TEX10: variants seen among roughly 807,000 people sequenced by gnomAD.
TEX10 encodes testis-expressed protein 10.
A neutral mutation model predicts 104.4 loss-of-function variants in TEX10; 24 were observed. That is an observed-to-expected ratio of 0.23 (90% CI 0.17 to 0.32). The LOEUF is 0.32. TEX10 is among the 10% of genes least tolerant of loss of function. The pLI is 1.00. For synonymous variants in TEX10, 396 were observed against 393.4 expected, an observed-to-expected ratio of 1.01 and a Z score of -0.08; for missense variants, 921 against 1,083.9, an observed-to-expected ratio of 0.85 and a Z score of 2.11.
At chr9:100,319,349 A>G (rs1588170636) in intron 11 of TEX10, among the ~76,000 whole-genome samples, 1 of 152,332 alleles carries the variant, frequency 6.6e-6, no homozygotes, top group South Asian at 2.1e-4. Flanking sequence ...AATTTATTAA[A>G]TATCTCTAAG....
chr9:100,341,091 T>C (rs1241380310), intron 4 of TEX10, among the ~76,000 whole-genome samples: 3 of 152,130 alleles, frequency 2.0e-5, no homozygotes, highest in Non-Finnish European at 2.9e-5. Context: ...CTCAATCTCC[T>C]GAGTAGCTGG....
intron 5 of TEX10, among the ~76,000 whole-genome samples, chr9:100,339,274 A>AT (rs1835101688): frequency 1.1e-5 from 1 of 91,686 alleles, no homozygotes; most frequent in Non-Finnish European, 2.2e-5. Flanking sequence ...AAAAAAAAAA[A>AT]GTATATATAT....
In TEX10 at chr9:100,326,335, A is replaced by C. The variant is rs766914664; in HGVS notation, c.1946T>G (p.Leu649Trp). ...CCIMGRLSSS[L>W]AAMLIGILHM... ...CAGTATCCCGATAAGCATGGCAGCC[A>C]AACTTGAACTGAGTCTTCCCATAAT... The change falls in exon 9 of 15, where the codon TTG (leucine) becomes TGG (tryptophan). Residue 649 changes from leucine (L) to tryptophan (W), a missense_variant. Leu to Trp is a moderately conservative substitution (Grantham distance 61, BLOSUM62 -2). Transcript: ENST00000374902. 3.1e-6 allele frequency: 5 copies of C among 1,614,046 alleles called. No individual in the cohort carries two copies. The South Asian group carries it at 5.5e-5, about 18-fold the overall frequency.
intron 9 of TEX10, among the ~76,000 whole-genome samples, chr9:100,323,631 A>C (rs940064355): frequency 1.5e-4 from 23 of 152,246 alleles, no homozygotes; most frequent in African/African-American, 5.3e-4. Context: ...AGCAATTCTA[A>C]ACACATTTTT....
chr9:100,324,989 T>C (rs1357229421), intron 9 of TEX10, among the ~76,000 whole-genome samples: 4 of 152,224 alleles, frequency 2.6e-5, no homozygotes, highest in Non-Finnish European at 2.9e-5. Flanking sequence ...GCCCCTCTAA[T>C]GTGCATATAC....
chr9:100,317,967 C>CA (rs536799943), intron 11 of TEX10, among the ~76,000 whole-genome samples: 50 of 151,336 alleles, frequency 3.3e-4, no homozygotes, highest in Admixed American at 4.6e-4. Context: ...ATTAAGAAGA[C>CA]AAAAAAAACA....
intron 5 of TEX10, among the ~76,000 whole-genome samples, chr9:100,332,681 C>T (rs10118876): frequency 0.25 from 37,419 of 151,754 alleles, 5,355 homozygotes; most frequent in East Asian, 0.64. Flanking sequence ...ATTAGCCGGG[C>T]GCGGTGGCAG....
chr9:100,304,515 G>A (rs1356326880), intron 13 of TEX10: 1 of 152,186 alleles, frequency 6.6e-6, no homozygotes. Flanking sequence ...GGGACAATTG[G>A]CTATCCTTTT....
At chr9:100,332,900 T>C (rs1834904363) in intron 5 of TEX10, among the ~76,000 whole-genome samples, 1 of 152,084 alleles carries the variant, frequency 6.6e-6, no homozygotes, top group African/African-American at 2.4e-5. Flanking sequence ...CAACTGCCAG[T>C]TCCAAAGAAA....
At chr9:100,345,458 C>T (rs1283782173) in intron 4 of TEX10, among the ~76,000 whole-genome samples, 1 of 152,214 alleles carries the variant, frequency 6.6e-6, no homozygotes, top group Non-Finnish European at 1.5e-5. Context: ...AGCAATTCTT[C>T]TGAAAACCAG....
chr9:100,326,578 C>A lies in TEX10; in HGVS notation c.1802-99G>T, dbSNP rs929290245. On this transcript the variant is annotated intron_variant, in intron 8 of 14. Transcript: ENST00000374902. ...TGACTTCCATTGAATTATGGGCTAACATTTTATGCTGAATTTTATGAATAT... is the reference window on the plus strand; with the variant it reads ...TGACTTCCATTGAATTATGGGCTAAAATTTTATGCTGAATTTTATGAATAT... 6.8e-6 allele frequency: 8 copies of A among 1,167,918 alleles called. No homozygotes were observed. In the East Asian group the frequency reaches 1.8e-4, roughly 27 times the overall value. 72.3% of individuals were successfully genotyped at this position (1,167,918 alleles called of 1,614,324 possible). A position where few individuals can be genotyped will look rare whatever the true frequency, so the allele number is the denominator to read the frequency against.
intron 5 of TEX10, among the ~76,000 whole-genome samples, 191 bp from the exon 6 acceptor site, chr9:100,330,360 G>A (rs1211288828): frequency 6.6e-6 from 1 of 152,232 alleles, no homozygotes; most frequent in East Asian, 1.9e-4. Flanking sequence ...TATGGAATCA[G>A]AGTTGTTAAG....
At chr9:100,309,005 C>T (rs1051191645) in intron 12 of TEX10, among the ~76,000 whole-genome samples, 12 of 152,174 alleles carry the variant, frequency 7.9e-5, no homozygotes, top group Non-Finnish European at 1.3e-4. Context: ...TTATTTCATG[C>T]ACTCAAAGAA....
intron 4 of TEX10, 75 bp from the exon 5 acceptor site, chr9:100,340,444 A>G: frequency 1.2e-6 from 1 of 831,312 alleles, no homozygotes; most frequent in Non-Finnish European, 1.9e-6. Flanking sequence ...AAGAGAAATG[A>G]CAACTTGTCA....
chr9:100,336,331 C>T (rs1018310215), intron 5 of TEX10, among the ~76,000 whole-genome samples: 1 of 152,120 alleles, frequency 6.6e-6, no homozygotes, highest in Non-Finnish European at 1.5e-5. Context: ...AGGAGGTGAG[C>T]GGCAGGCAAA....
chr9:100,303,458 ACAGT>A (rs1486531201), intron 14 of TEX10, among the ~76,000 whole-genome samples, 170 bp downstream of exon 14: 5 of 135,560 alleles, frequency 3.7e-5, no homozygotes, highest in East Asian at 2.0e-4. Context: ...CCATTAAGTC[ACAGT>A]CAGGTGCTGG....
intron 11 of TEX10, among the ~76,000 whole-genome samples, chr9:100,313,374 G>A (rs1188359149): frequency 6.6e-6 from 1 of 151,780 alleles, no homozygotes; most frequent in Non-Finnish European, 1.5e-5. Context: ...AATTAGCCAG[G>A]CATGGTGGCA....
chr9:100,324,801 T>G (rs1293724635), intron 9 of TEX10, among the ~76,000 whole-genome samples: 2 of 152,162 alleles, frequency 1.3e-5, no homozygotes, highest in African/African-American at 4.8e-5. Context: ...CAGAGTGCCC[T>G]CTACTGGAAG....
At position 100,326,395 on chromosome 9, in the gene TEX10, G is replaced by A. The variant is rs1317058235; in HGVS notation, c.1886C>T (p.Pro629Leu). Residue 629 changes from proline to leucine, a missense_variant, in exon 9 of 15, where the codon CCG becomes CTG. Transcript: ENST00000374902. ...VQLVYFLPSLPADLLSRLSRC... is the reference protein window; with the variant it reads ...VQLVYFLPSLLADLLSRLSRC... Reference sequence around the variant, plus strand: ...ACTTAACCGAGAAAGCAAATCAGCCGGCAGACTGGGTAGGAAATATACAAG... The same window carrying A: ...ACTTAACCGAGAAAGCAAATCAGCCAGCAGACTGGGTAGGAAATATACAAG... 5 of 1,613,628 alleles carry A rather than the reference G, an allele frequency of 3.1e-6. No homozygotes were observed. Among genetic ancestry groups the A allele is most frequent in the Non-Finnish European group, 4.2e-6 (5 of 1,179,916 alleles).
Sources: gnomAD v4.1 joint callset for allele counts (sites outside exome capture counted in the v4.1 genomes callset) on GRCh38, gnomAD v4.1.1 for gene constraint, MANE v1.5 for transcripts, NCBI Gene and HGNC (gene_info 2026-07-23, HGNC 2026-07-21) for gene names.